CA4: variants seen among roughly 807,000 people sequenced by gnomAD.
The protein encoded by CA4 is carbonic anhydrase 4.
A neutral mutation model predicts 34.5 loss-of-function variants in CA4; 24 were observed. The ratio of observed to expected loss-of-function variants is 0.70; its 90% CI spans 0.50 to 0.98. The LOEUF (loss-of-function observed/expected upper bound fraction) is 0.98, where lower values mean the gene tolerates loss of function less well. Ranked by LOEUF, CA4 falls within the 50% of genes least tolerant of loss-of-function variation. The pLI is 0.00. For synonymous variants in CA4, 178 were observed against 170.6 expected (o/e 1.04, Z -0.34); for missense variants, 394 against 396.7 (o/e 0.99, Z 0.06).
Position 60,159,384 on chromosome 17 carries a change from G to A in CA4, c.899G>A (p.Gly300Asp), listed in dbSNP as rs2083757713. 7 of 1,612,394 alleles carry A rather than the reference G, an allele frequency of 4.3e-6. No homozygotes were observed. The highest frequency in any genetic ancestry group is 4.0e-5 in the African/African-American group (3 of 75,022). Residue 300 changes from glycine (G) to aspartate (D), a missense_variant, in exon 8 of 8, where the codon GGC becomes GAC. Gly to Asp is a moderately conservative substitution (Grantham distance 94). Transcript: ENST00000300900. ...CCCTGGGCCCTGCCTGCCCTGCTGG[G>A]CCCCATGCTGGCCTGCCTGCTGGCC... ...PLPWALPALL[G>D]PMLACLLAGF...
chr17:60,171,638 A>T (rs1437889205), downstream of CA4, among the ~76,000 whole-genome samples: 1 of 152,176 alleles, frequency 6.6e-6, no homozygotes, highest in Non-Finnish European at 1.5e-5. Flanking sequence ...GAATGCTTAG[A>T]GGTGACAGGT....
At chr17:60,170,794 A>G (rs2145312660) in exon 6 of CA4, 1 of 152,354 alleles carries the variant, frequency 6.6e-6, no homozygotes, top group Admixed American at 6.5e-5. Context: ...TCAGGTAGCT[A>G]TGGTCATGGT....
At chr17:60,151,444 T>C (rs1381334594) in intron 1 of CA4, 3 of 152,198 alleles carry the variant, frequency 2.0e-5, no homozygotes, top group African/African-American at 7.2e-5. Flanking sequence ...ATTTGTAGGG[T>C]TGGACATTGG....
chr17:60,175,668 C>CAA (rs150949660), downstream of CA4, among the ~76,000 whole-genome samples: 1 of 81,534 alleles, frequency 1.2e-5, no homozygotes, highest in East Asian at 3.8e-4. Context: ...AACTCCGTCT[C>CAA]AAAAAAAAAA....
chr17:60,174,374 A>G (rs1360432108), downstream of CA4, among the ~76,000 whole-genome samples: 2 of 151,564 alleles, frequency 1.3e-5, no homozygotes, highest in Non-Finnish European at 2.9e-5. Context: ...TTGTATTAAT[A>G]TCTGGGTTTC....
intron 5 of CA4, among the ~76,000 whole-genome samples, chr17:60,165,131 T>A (rs2083842127): frequency 6.6e-6 from 1 of 152,012 alleles, no homozygotes; most frequent in Admixed American, 6.6e-5. Flanking sequence ...GACCCACAGG[T>A]GGGGAGTAGG....
At position 60,166,854 on chromosome 17, in the gene CA4, G is replaced by A. The variant is rs1567736669; in HGVS notation, c.*179-3697G>A. Among the ~76,000 whole-genome samples the A allele has an allele frequency of 3.3e-5, 5 of 152,334 alleles. No individual in the cohort carries two copies. In the East Asian group the frequency reaches 9.6e-4, roughly 29 times the overall value. ...TGCCTGTAATCCCAGCTACTCTGGA[G>A]GCTGAGGCAGGAGAATTGCTTAAAC... On this transcript the variant is annotated intron_variant and NMD_transcript_variant, in intron 5 of 5. Transcript: ENST00000586876.
intron 1 of CA4, among the ~76,000 whole-genome samples, chr17:60,154,347 G>C (rs1403317889): frequency 6.6e-6 from 1 of 152,042 alleles, no homozygotes; most frequent in Non-Finnish European, 1.5e-5. Flanking sequence ...TATGAGGTGG[G>C]TATGTTTGTC....
intron 3 of CA4, 39 bp from the exon 4 acceptor site, chr17:60,157,388 G>A: frequency 6.2e-7 from 1 of 1,613,458 alleles, no homozygotes; most frequent in Non-Finnish European, 8.5e-7. Flanking sequence ...GAGGCTGAGG[G>A]AGGCTGGTTC....
intron 3 of CA4, 35 bp from the exon 4 acceptor site, chr17:60,157,392 C>G: frequency 6.2e-7 from 1 of 1,612,608 alleles, no homozygotes. Context: ...CTGAGGGAGG[C>G]TGGTTCGAGG....
In CA4 at chr17:60,155,656, ACT is replaced by A. The variant is rs370619352; in HGVS notation, c.112+291_112+292del. Among the ~76,000 whole-genome samples the A allele has an allele frequency of 1.5e-3, 220 of 151,356 alleles. 2 individuals are homozygous for A. The highest frequency in any genetic ancestry group is 5.0e-3 in the African/African-American group (207 of 41,196). On this transcript the variant is annotated intron_variant, in intron 2 of 7. Transcript: ENST00000300900. ...CTCACACATGCACACACACACTCAC[ACT>A]CACACAAACCCACACTCACTCACAC...
downstream of CA4, among the ~76,000 whole-genome samples, chr17:60,172,210 C>T (rs542412956): frequency 6.6e-6 from 1 of 152,252 alleles, no homozygotes; most frequent in South Asian, 2.1e-4. Flanking sequence ...AAGCCCCGTC[C>T]CCTTATCCCC....
At chr17:60,155,265 GCAA>G (rs775005529) in intron 1 of CA4, 46 bp from the exon 2 acceptor site, 1 of 1,557,580 alleles carries the variant, frequency 6.4e-7, no homozygotes. Context: ...GTGTGTGTGA[GCAA>G]CAAGACACAC....
In CA4 at chr17:60,155,217, C is replaced by A. The variant is rs1159228926; in HGVS notation, c.59-97C>A. 3.5e-6 allele frequency: 4 copies of A among 1,149,628 alleles called. No homozygotes were observed. The Admixed American group carries it at 5.9e-5, about 17-fold the overall frequency. 71.2% of individuals were successfully genotyped at this position (1,149,628 alleles called of 1,614,324 possible). A position where few individuals can be genotyped will look rare whatever the true frequency, so the allele number is the denominator to read the frequency against. ...ACACTCCATCCCAGCCCAAGAGGGG[C>A]TCCAACCCCAGGGGTAGGCCCAGCC... On this transcript the variant is annotated intron_variant, in intron 1 of 7. Coordinates refer to ENST00000300900, the MANE Select transcript of CA4 (RefSeq NM_000717.5).
At chr17:60,156,506 C>T in intron 2 of CA4, 54 bp from the exon 3 acceptor site, 1 of 1,587,672 alleles carries the variant, frequency 6.3e-7, no homozygotes, top group Non-Finnish European at 8.6e-7. Context: ...GTGGTGGGGG[C>T]TACACCTTGG....
chr17:60,170,146 A>G (rs1272863981), intron 5 of CA4, among the ~76,000 whole-genome samples: 1 of 152,220 alleles, frequency 6.6e-6, no homozygotes, highest in Admixed American at 6.5e-5. Context: ...AGCCCACGCT[A>G]CTGGGGCATA....
rs372344598 is a variant in CA4, at chr17:60,159,321, G to T, written c.836G>T (p.Arg279Leu). 5 of 1,609,520 alleles carry T rather than the reference G, an allele frequency of 3.1e-6. No homozygotes were observed. In the Admixed American group the frequency reaches 8.4e-5, roughly 27 times the overall value. Residue 279 changes from arginine to leucine, a missense_variant, in exon 8 of 8, where the codon CGC becomes CTC. Transcript: ENST00000300900. ...AGGCCCCTGCAGCAGCTGGGGCAGC[G>T]CACGGTGATAAAGTCCGGGGCCCCG... ...NVRPLQQLGQRTVIKSGAPGR... is the reference protein window; with the variant it reads ...NVRPLQQLGQLTVIKSGAPGR...
the CA4 span, among the ~76,000 whole-genome samples, chr17:60,176,904 C>T: frequency 1.3e-5 from 2 of 152,148 alleles, no homozygotes; most frequent in Admixed American, 6.6e-5. Flanking sequence ...CAATAGGGTT[C>T]GTTCTCCTGT....
downstream of CA4, among the ~76,000 whole-genome samples, chr17:60,172,239 C>T (rs2083917247): frequency 6.6e-6 from 1 of 152,188 alleles, no homozygotes; most frequent in African/African-American, 2.4e-5. Context: ...TGGACAACTC[C>T]TCCAACCAGG....
Sources: allele counts gnomAD v4.1 joint callset (sites outside exome capture counted in the v4.1 genomes callset), GRCh38; gene constraint gnomAD v4.1.1; transcripts MANE v1.5; gene names NCBI Gene and HGNC (gene_info 2026-07-23, HGNC 2026-07-21).